BTRC: variants seen among roughly 807,000 people sequenced by gnomAD.
The protein encoded by BTRC is beta-transducin repeat containing E3 ubiquitin protein ligase.
In BTRC, 42 loss-of-function variants were observed where a neutral mutation model predicts 85.5. The observed-to-expected ratio is 0.49, with a 90% CI of 0.38 to 0.64. The LOEUF is 0.64. Ranked by LOEUF, BTRC falls within the 30% of genes least tolerant of loss-of-function variation. BTRC has a pLI of 0.00. For synonymous variants in BTRC, 255 were observed against 263.3 expected, an observed-to-expected ratio of 0.97 and a Z score of 0.30; for missense variants, 594 against 743.5, an observed-to-expected ratio of 0.80 and a Z score of 2.34.
chr10:101,368,391 C>T (rs1942531852), intron 1 of BTRC, among the ~76,000 whole-genome samples: 1 of 151,036 alleles, frequency 6.6e-6, no homozygotes, highest in Admixed American at 6.6e-5. Context: ...TATGAATTAC[C>T]CACCCTCAGG....
At position 101,550,957 on chromosome 10, in the gene BTRC, C is replaced by T. The variant is rs559798260; in HGVS notation, c.*31+66C>T. 204 of 1,404,606 alleles carry T rather than the reference C, an allele frequency of 1.5e-4. 4 individuals carry two copies. The South Asian group carries it at 2.6e-3, about 18-fold the overall frequency. The allele number at this position is 1,404,606 out of a possible 1,614,324, so 87.0% of individuals were successfully genotyped here. ...ACGGGATATTAGCTGTAAGGTGTTGCTAGTTCATGGAACTTTCTCCTGCCG... is the reference window on the plus strand; with the variant it reads ...ACGGGATATTAGCTGTAAGGTGTTGTTAGTTCATGGAACTTTCTCCTGCCG... On this transcript the variant is annotated intron_variant, in intron 14 of 14. Transcript: ENST00000370187.
At chr10:101,549,264 C>G (rs2062607876) in intron 13 of BTRC, among the ~76,000 whole-genome samples, 1 of 131,568 alleles carries the variant, frequency 7.6e-6, no homozygotes, top group Non-Finnish European at 1.6e-5. Flanking sequence ...GACCTAATCT[C>G]TACAAAAAAA....
intron 1 of BTRC, among the ~76,000 whole-genome samples, chr10:101,369,610 A>C (rs967643108): frequency 5.3e-5 from 8 of 152,334 alleles, no homozygotes; most frequent in African/African-American, 1.9e-4. Context: ...GTAGAAGTCC[A>C]GATCTGGGTG....
chr10:101,415,784 G>A (rs1040600992), intron 1 of BTRC, among the ~76,000 whole-genome samples: 4 of 151,796 alleles, frequency 2.6e-5, no homozygotes, highest in Middle Eastern at 3.2e-3. Context: ...CAGGCGATCT[G>A]CCCGCCTCAG....
intron 1 of BTRC, among the ~76,000 whole-genome samples, chr10:101,372,487 C>T (rs1164998150): frequency 1.3e-5 from 2 of 149,510 alleles, no homozygotes; most frequent in African/African-American, 2.4e-5. Context: ...ACTCCCTGAC[C>T]TCGTGATCTG....
intron 4 of BTRC, among the ~76,000 whole-genome samples, chr10:101,501,078 C>A (rs1946388354): frequency 6.6e-6 from 1 of 152,178 alleles, no homozygotes; most frequent in African/African-American, 2.4e-5. Context: ...CGCCTGTAGT[C>A]CCAGCTACTC....
At chr10:101,463,050 GTT>G (rs1201945098) in intron 3 of BTRC, among the ~76,000 whole-genome samples, 2 of 116,620 alleles carry the variant, frequency 1.7e-5, no homozygotes, top group Non-Finnish European at 1.9e-5. Context: ...GTATTTTGGG[GTT>G]TTTTTTTTTT....
At chr10:101,543,387 A>G (rs1032353080) in intron 13 of BTRC, among the ~76,000 whole-genome samples, 1 of 149,508 alleles carries the variant, frequency 6.7e-6, no homozygotes, top group Non-Finnish European at 1.5e-5. Context: ...ATATTCTTTT[A>G]CTTTTAATAT....
At chr10:101,367,267 G>T (rs1942493605) in intron 1 of BTRC, among the ~76,000 whole-genome samples, 1 of 149,602 alleles carries the variant, frequency 6.7e-6, no homozygotes, top group Non-Finnish European at 1.5e-5. Context: ...ACAAGGTTTC[G>T]CCATGTTGGC....
chr10:101,476,098 A>C (rs1945680005), intron 3 of BTRC, among the ~76,000 whole-genome samples: 3 of 151,926 alleles, frequency 2.0e-5, no homozygotes, highest in Non-Finnish European at 2.9e-5. Context: ...TCACCTCTAA[A>C]GTATCTTTCC....
intron 1 of BTRC, among the ~76,000 whole-genome samples, chr10:101,367,000 ATATATT>A (rs1942464326): frequency 1.3e-5 from 1 of 78,508 alleles, no homozygotes; most frequent in Non-Finnish European, 2.4e-5. Flanking sequence ...ATATTAATAT[ATATATT>A]TATATATATA....
intron 4 of BTRC, among the ~76,000 whole-genome samples, chr10:101,518,415 G>A (rs9420852): frequency 0.37 from 56,267 of 151,976 alleles, 11,593 homozygotes; most frequent in Middle Eastern, 0.49. Flanking sequence ...TGGTAGCTCA[G>A]CGCTCTAAGG....
chr10:101,463,799 T>G (rs1945292578), intron 3 of BTRC, among the ~76,000 whole-genome samples: 1 of 152,170 alleles, frequency 6.6e-6, no homozygotes, highest in African/African-American at 2.4e-5. Context: ...CTGACTTCAG[T>G]TTATATATAG....
chr10:101,373,779 A>G (rs962409620), intron 1 of BTRC, among the ~76,000 whole-genome samples: 9 of 151,956 alleles, frequency 5.9e-5, no homozygotes, highest in Non-Finnish European at 8.8e-5. Context: ...TTAGCCAGGC[A>G]TGGTGGTGGG....
rs201224727 is a variant in BTRC at position 101,521,649 on chromosome 10, C to T, written c.335C>T (p.Ala112Val). 3.1e-6 allele frequency: 5 copies of T among 1,613,456 alleles called. No individual in the cohort carries two copies. In the South Asian group the frequency reaches 4.4e-5, roughly 14 times the overall value. Residue 112 changes from alanine (A) to valine (V), a missense_variant, in exon 5 of 15, where the codon GCC (alanine) becomes GTC (valine). Around this residue, in one of 4 missense-constraint regions of BTRC, gnomAD observed 163 missense variants for 180.5 expected, o/e 0.90. Coordinates refer to ENST00000370187, the MANE Select transcript of BTRC (RefSeq NM_033637.4). ...TENCVAKTKLANGTSSMIVPK... is the reference protein window; with the variant it reads ...TENCVAKTKLVNGTSSMIVPK... Reference sequence around the variant, plus strand: ...AACCCCCTTCTACAGACAAAACTTGCCAATGGCACTTCCAGTATGATTGTG... The same window carrying T: ...AACCCCCTTCTACAGACAAAACTTGTCAATGGCACTTCCAGTATGATTGTG...
At chr10:101,467,459 C>T (rs911106046) in intron 3 of BTRC, among the ~76,000 whole-genome samples, 1 of 151,852 alleles carries the variant, frequency 6.6e-6, no homozygotes, top group Non-Finnish European at 1.5e-5. Context: ...CCCTATCTGC[C>T]GTTGCTTTGT....
At chr10:101,398,365 C>T (rs1023766339) in intron 1 of BTRC, among the ~76,000 whole-genome samples, 11 of 151,890 alleles carry the variant, frequency 7.2e-5, no homozygotes, top group Non-Finnish European at 1.0e-4. Flanking sequence ...TACAGTGGCG[C>T]GATCTCAGCT....
chr10:101,513,596 T>A (rs371717504), intron 4 of BTRC, among the ~76,000 whole-genome samples: 30 of 152,234 alleles, frequency 2.0e-4, no homozygotes, highest in African/African-American at 7.0e-4. Flanking sequence ...TTTACCATTT[T>A]GTGTGTCTGT....
intron 4 of BTRC, among the ~76,000 whole-genome samples, chr10:101,499,144 A>G (rs1443693716): frequency 1.3e-5 from 2 of 152,178 alleles, no homozygotes; most frequent in African/African-American, 2.4e-5. Flanking sequence ...ACAGGGGGAA[A>G]AAGTGAAGCT....
Sources: allele counts gnomAD v4.1 joint callset (sites outside exome capture counted in the v4.1 genomes callset), GRCh38; gene constraint gnomAD v4.1.1; regional missense constraint gnomAD v4.1.1; transcripts MANE v1.5; gene names NCBI Gene and HGNC (gene_info 2026-07-23, HGNC 2026-07-21).